The following ATP6V0D1 variants were observed in gnomAD, a reference collection of about 807,000 sequenced individuals.
ATP6V0D1 encodes the protein ATPase H+ transporting V0 subunit d1.
In ATP6V0D1, 13 loss-of-function variants were observed where a neutral mutation model predicts 39.0. That is an observed-to-expected ratio of 0.33 (90% CI 0.22 to 0.53). The LOEUF is 0.53. ATP6V0D1 is among the 20% of genes least tolerant of loss of function. The pLI is 0.94. For missense variants in ATP6V0D1, 272 were observed against 470.9 expected, an observed-to-expected ratio of 0.58 and a Z score of 3.91; for synonymous variants, 191 against 191.2, an observed-to-expected ratio of 1.00 and a Z score of 0.01.
intron 2 of ATP6V0D1, among the ~76,000 whole-genome samples, chr16:67,449,477 GT>G (rs2041153110): frequency 6.6e-6 from 1 of 152,220 alleles, no homozygotes; most frequent in Admixed American, 6.5e-5. Context: ...CTTGGGCATG[GT>G]GACATAACAA....
At chr16:67,443,061 C>T (rs374925408) in intron 4 of ATP6V0D1, 38 bp downstream of exon 4, 17 of 1,606,676 alleles carry the variant, frequency 1.1e-5, no homozygotes, top group East Asian at 2.2e-5. Flanking sequence ...CCCCACCCAC[C>T]GACAGGCCAA....
intron 1 of ATP6V0D1, 35 bp downstream of exon 1, chr16:67,480,922 A>C (rs1463090933): frequency 6.2e-7 from 1 of 1,611,028 alleles, no homozygotes; most frequent in Non-Finnish European, 8.5e-7. Flanking sequence ...GGCCCCGGAC[A>C]GCCTCTATCC....
At chr16:67,475,881 A>G (rs930929133) in intron 1 of ATP6V0D1, among the ~76,000 whole-genome samples, 2 of 152,240 alleles carry the variant, frequency 1.3e-5, no homozygotes, top group Non-Finnish European at 2.9e-5. Context: ...GTCTCCTAAG[A>G]GAAATGAAGA....
At chr16:67,449,569 G>A (rs1391413924) in intron 2 of ATP6V0D1, among the ~76,000 whole-genome samples, 2 of 152,232 alleles carry the variant, frequency 1.3e-5, no homozygotes, top group African/African-American at 4.8e-5. Flanking sequence ...ATCTCACTCA[G>A]GCTGTCGGCC....
chr16:67,480,089 C>T (rs896562767), intron 1 of ATP6V0D1, among the ~76,000 whole-genome samples: 3 of 126,456 alleles, frequency 2.4e-5, no homozygotes, highest in East Asian at 4.0e-4. Flanking sequence ...GTCCCAGCTA[C>T]TTGGGAGGCT....
chr16:67,440,107 G>A (rs1018468255), intron 4 of ATP6V0D1: 11 of 152,196 alleles, frequency 7.2e-5, no homozygotes, highest in African/African-American at 1.7e-4. Flanking sequence ...GAGTGCCCCC[G>A]GCCCTCTCTG....
Position 67,438,670 on chromosome 16 carries a change from GCCA to G in ATP6V0D1, c.911_913del (p.Leu304_Ala305delinsSer). The G allele has an allele frequency of 6.2e-7, 1 of 1,614,234 alleles. No homozygotes were observed. The highest frequency in any genetic ancestry group is 8.5e-7 in the Non-Finnish European group (1 of 1,180,048). ...ACCAAAGTGGAACTGGTTCAGGAAG[GCCA>G]ACTTGTTCAGCTTTACCTGTGGACA... On this transcript the variant is annotated inframe_deletion, in exon 8 of 8. Coordinates refer to ENST00000290949, the MANE Select transcript of ATP6V0D1 (RefSeq NM_004691.5).
chr16:67,456,553 G>A lies in ATP6V0D1; in HGVS notation c.131-2838C>T, dbSNP rs1050952106. On this transcript the variant is annotated intron_variant, in intron 1 of 7. Transcript: ENST00000290949. The surrounding 1 kb of genome is among the most constrained non-coding windows in gnomAD (Gnocchi z 4.1). ...CGGATGGCAGCTGGGAGCCAAGACT[G>A]GAATACAGTTCTCTGGGTCAGACCC... 1.3e-5 allele frequency: 2 copies of A among 152,242 alleles called. No homozygotes were observed. The highest frequency in any genetic ancestry group is 4.8e-5 in the African/African-American group (2 of 41,458). 9.4% of individuals were successfully genotyped at this position (152,242 alleles called of 1,614,324 possible).
At position 67,452,153 on chromosome 16, in the gene ATP6V0D1, G is replaced by C. The variant is rs573489186; in HGVS notation, c.302+1391C>G. On this transcript the variant is annotated intron_variant, in intron 2 of 7. Coordinates refer to ENST00000290949, the MANE Select transcript of ATP6V0D1 (RefSeq NM_004691.5). ...AGGCCAGGGAATGATCAACAGATGGGGAGCTGCAATGTGACCCCTAATGTA... is the reference window on the plus strand; with the variant it reads ...AGGCCAGGGAATGATCAACAGATGGCGAGCTGCAATGTGACCCCTAATGTA... 54 of 1,473,520 alleles carry C rather than the reference G, an allele frequency of 3.7e-5. No individual in the cohort carries two copies. The African/African-American group carries it at 6.8e-4, about 19-fold the overall frequency. The allele number at this position is 1,473,520 out of a possible 1,614,324, so 91.3% of individuals were successfully genotyped here.
intron 1 of ATP6V0D1, chr16:67,458,976 GA>G: frequency 1.2e-6 from 1 of 866,450 alleles, no homozygotes. Flanking sequence ...TCACCAGAAT[GA>G]AGTCCTCCAA....
rs780680599 is a variant in ATP6V0D1 at position 67,453,537 on chromosome 16, C to T, written c.302+7G>A. 3 of 1,613,952 alleles carry T rather than the reference C, an allele frequency of 1.9e-6. No individual in the cohort carries two copies. The highest frequency in any genetic ancestry group is 1.7e-6 in the Non-Finnish European group (2 of 1,179,886). On this transcript the variant is annotated splice_region_variant and intron_variant, in intron 2 of 7. Coordinates refer to ENST00000290949, the MANE Select transcript of ATP6V0D1 (RefSeq NM_004691.5). This position sits in a 1 kb window ranked among gnomAD's most constrained non-coding sequence, Gnocchi z 4.1. ...TAAGAGAAGAAGGCGCTACAAAGCACACTCACGTAATGAAGTCTAGGAAGC... is the reference window on the plus strand; with the variant it reads ...TAAGAGAAGAAGGCGCTACAAAGCATACTCACGTAATGAAGTCTAGGAAGC...
intron 1 of ATP6V0D1, among the ~76,000 whole-genome samples, chr16:67,457,876 G>A (rs986104788): frequency 1.3e-5 from 2 of 152,250 alleles, no homozygotes; most frequent in Admixed American, 6.5e-5. Flanking sequence ...TCAGATCAGA[G>A]CAAACCCGGG....
rs1485097657 is a variant in ATP6V0D1, at chr16:67,445,582, G to A, written c.303-876C>T. On this transcript the variant is annotated intron_variant, in intron 2 of 7. Coordinates refer to ENST00000290949, the MANE Select transcript of ATP6V0D1 (RefSeq NM_004691.5). The stretch of plus-strand genomic sequence containing the variant: ...CCAGGGCTGGGCATTCACCCAGGAC[G>A]GCCTGGATAAGACCCAGAGACCTGA... 3.3e-5 allele frequency among the ~76,000 whole-genome samples: 5 copies of A among 152,292 alleles called. No homozygotes were observed. In the East Asian group the frequency reaches 5.8e-4, roughly 18 times the overall value.
intron 1 of ATP6V0D1, among the ~76,000 whole-genome samples, chr16:67,471,154 A>G (rs2041369764): frequency 6.6e-6 from 1 of 152,200 alleles, no homozygotes; most frequent in Non-Finnish European, 1.5e-5. Flanking sequence ...TGATCAATTC[A>G]GGGTAATTAG....
chr16:67,445,971 G>A, intron 2 of ATP6V0D1: 1 of 455,830 alleles, frequency 2.2e-6, no homozygotes, highest in Non-Finnish European at 4.4e-6. Context: ...GGCACCTATG[G>A]GATAAAAGTT....
chr16:67,466,825 A>G (rs763008594), intron 1 of ATP6V0D1, among the ~76,000 whole-genome samples: 53 of 152,136 alleles, frequency 3.5e-4, no homozygotes, highest in Non-Finnish European at 6.8e-4. Flanking sequence ...GAAAAGAAAG[A>G]GAACAATAGG....
chr16:67,445,074 G>T (rs564227918), intron 2 of ATP6V0D1, among the ~76,000 whole-genome samples: 1 of 152,230 alleles, frequency 6.6e-6, no homozygotes, highest in Non-Finnish European at 1.5e-5. Context: ...GGTGAAGAGC[G>T]TGAGAGCCTG....
chr16:67,450,272 G>GTA (rs922325940), intron 2 of ATP6V0D1, among the ~76,000 whole-genome samples: 1 of 152,178 alleles, frequency 6.6e-6, no homozygotes, highest in African/African-American at 2.4e-5. Context: ...CTCAGGACAT[G>GTA]TATAGTTCCC....
rs763390914 is a variant in ATP6V0D1 at position 67,481,138 on chromosome 16, C to G, written c.-52G>C. 6.2e-7 allele frequency: 1 copy of G among 1,609,288 alleles called. No individual in the cohort carries two copies. The highest frequency in any genetic ancestry group is 8.5e-7 in the Non-Finnish European group (1 of 1,177,020). ...AGAACCAGGACCGGCCGGCACGAATCGCGACTCCCCAGGTCAGCTGACGCT... is the reference window on the plus strand; with the variant it reads ...AGAACCAGGACCGGCCGGCACGAATGGCGACTCCCCAGGTCAGCTGACGCT... On this transcript the variant is annotated 5_prime_UTR_variant, in exon 1 of 8. Coordinates refer to ENST00000290949, the MANE Select transcript of ATP6V0D1 (RefSeq NM_004691.5).
Sources: allele counts gnomAD v4.1 joint callset (sites outside exome capture counted in the v4.1 genomes callset), GRCh38; gene constraint gnomAD v4.1.1; non-coding constraint Gnocchi (gnomAD v3.1); transcripts MANE v1.5; gene names NCBI Gene and HGNC (gene_info 2026-07-23, HGNC 2026-07-21).